RPL37: variants seen among roughly 807,000 people sequenced by gnomAD.
RPL37 encodes ribosomal protein L37.
Under a neutral mutation model 14.8 loss-of-function variants are expected in RPL37, and 1 was observed. The observed-to-expected ratio is 0.07, with a 90% confidence interval of 0.02 to 0.32. The LOEUF (loss-of-function observed/expected upper bound fraction) is 0.32, where lower values mean the gene tolerates loss of function less well. RPL37 is among the 10% of genes least tolerant of loss of function. The pLI is 1.00. For missense variants in RPL37, 100 were observed against 128.3 expected (o/e 0.78, Z 1.06); for synonymous variants, 53 against 45.8 (o/e 1.16, Z -0.63).
At chr5:40,833,321 C>G (rs411904) in intron 3 of RPL37, among the ~76,000 whole-genome samples, 3 of 152,076 alleles carry the variant, frequency 2.0e-5, no homozygotes, top group Non-Finnish European at 4.4e-5. Flanking sequence ...ATTATCCAGC[C>G]CAAAGTATCA....
Position 40,831,100 on chromosome 5 carries a change from T to C in RPL37, c.*1404A>G, listed in dbSNP as rs192219. ...CTACTAAGAATACAAAAAGAATTAG[T>C]CGAGTGAATCTCCATCTCTACAAAA... On this transcript the variant is annotated 3_prime_UTR_variant, in exon 4 of 4. Coordinates refer to ENST00000274242, the MANE Select transcript of RPL37 (RefSeq NM_000997.5). 110,579 of 151,784 alleles carry C rather than the reference T, an allele frequency of 0.73. 40,255 individuals carry two copies. The highest frequency in any genetic ancestry group is 0.82 in the East Asian group (4,148 of 5,076). 9.4% of individuals were successfully genotyped at this position (151,784 alleles called of 1,614,324 possible).
chr5:40,825,478 C>A lies in RPL37; in HGVS notation c.*7026G>T, dbSNP rs530579166. 1 of 152,222 alleles carries A rather than the reference C, an allele frequency of 6.6e-6. No homozygotes were observed. The highest frequency in any genetic ancestry group is 1.5e-5 in the Non-Finnish European group (1 of 68,052). 9.4% of individuals were successfully genotyped at this position (152,222 alleles called of 1,614,324 possible). A position where few individuals can be genotyped will look rare whatever the true frequency, so the allele number is the denominator to read the frequency against. The stretch of plus-strand genomic sequence containing the variant: ...TTCCCAGAGGTTTCTCTCTCTAGAG[C>A]AATCCCTAATAGGACAATTGTTCAC... On this transcript the variant is annotated 3_prime_UTR_variant, in exon 4 of 4. Coordinates refer to ENST00000274242, the MANE Select transcript of RPL37 (RefSeq NM_000997.5).
At position 40,828,531 on chromosome 5, in the gene RPL37, AAAC is replaced by A. The variant is rs1178615345; in HGVS notation, c.*3970_*3972del. ...CCAAAAGTATCTAGTGTTGTCTTTT[AAAC>A]TAAACTCCCCATTCCTCACTGCCCA... On this transcript the variant is annotated 3_prime_UTR_variant, in exon 4 of 4. Coordinates refer to ENST00000274242, the MANE Select transcript of RPL37 (RefSeq NM_000997.5). 1 of 152,226 alleles carries A rather than the reference AAAC, an allele frequency of 6.6e-6. No homozygotes were observed. Among genetic ancestry groups the A allele is most frequent in the African/African-American group, 2.4e-5 (1 of 41,464 alleles). The allele number at this position is 152,226 out of a possible 1,614,324, so 9.4% of individuals were successfully genotyped here. A position where few individuals can be genotyped will look rare whatever the true frequency, so the allele number is the denominator to read the frequency against.
At chr5:40,834,129 G>C (rs71623863) in intron 3 of RPL37, 52 bp downstream of exon 3, 2 of 1,209,950 alleles carry the variant, frequency 1.7e-6, no homozygotes, top group Non-Finnish European at 2.5e-6. Flanking sequence ...GTAAACACGA[G>C]GGTTTCATTC....
chr5:40,834,953 G>A, intron 1 of RPL37: 1 of 643,626 alleles, frequency 1.6e-6, no homozygotes, highest in Non-Finnish European at 2.7e-6. Context: ...CCAAAGGTTG[G>A]ACCGAGGCAA....
rs1207556518 is a variant in RPL37 at position 40,828,675 on chromosome 5, C to G, written c.*3829G>C. On this transcript the variant is annotated 3_prime_UTR_variant, in exon 4 of 4. Transcript: ENST00000274242. The stretch of plus-strand genomic sequence containing the variant: ...AATCCAGAATTTTAAAATATATCTT[C>G]ATTCTCTTTGGCCTCAGCCACATGT... The G allele has an allele frequency of 2.0e-5, 3 of 152,168 alleles. No individual in the cohort carries two copies. Among genetic ancestry groups the G allele is most frequent in the African/African-American group, 7.2e-5 (3 of 41,446 alleles). 9.4% of individuals were successfully genotyped at this position (152,168 alleles called of 1,614,324 possible).
rs1490136623 is a variant in RPL37 at position 40,826,475 on chromosome 5, T to C, written c.*6029A>G. The C allele has an allele frequency of 6.6e-6, 1 of 152,174 alleles. No individual in the cohort carries two copies. Among genetic ancestry groups the C allele is most frequent in the African/African-American group, 2.4e-5 (1 of 41,432 alleles). 9.4% of individuals were successfully genotyped at this position (152,174 alleles called of 1,614,324 possible). On this transcript the variant is annotated 3_prime_UTR_variant, in exon 4 of 4. Transcript: ENST00000274242. ...CCAATGAAGAAATTTCTTTGGAGAA[T>C]TGTTAAGTGCTCAATTCAGCCTTCT...
At position 40,831,786 on chromosome 5, in the gene RPL37, T is replaced by C. The variant is rs1745645434; in HGVS notation, c.*718A>G. The C allele has an allele frequency of 6.6e-6, 1 of 152,318 alleles. No individual in the cohort carries two copies. Among genetic ancestry groups the C allele is most frequent in the Non-Finnish European group, 1.5e-5 (1 of 68,034 alleles). The allele number at this position is 152,318 out of a possible 1,614,324, so 9.4% of individuals were successfully genotyped here. A position where few individuals can be genotyped will look rare whatever the true frequency, so the allele number is the denominator to read the frequency against. Reference sequence around the variant, plus strand: ...TTACCAAGTTGAGGGCTAAAAAAATTCGACCAAGTAGTCCCACATCATTGC... The same window carrying C: ...TTACCAAGTTGAGGGCTAAAAAAATCCGACCAAGTAGTCCCACATCATTGC... On this transcript the variant is annotated 3_prime_UTR_variant, in exon 4 of 4. Transcript: ENST00000274242.
chr5:40,832,273 T>C lies in RPL37; in HGVS notation c.*231A>G, dbSNP rs1745656264. On this transcript the variant is annotated 3_prime_UTR_variant, in exon 4 of 4. Transcript: ENST00000274242. Reference sequence around the variant, plus strand: ...CAGTGCCCTCTGCTTCAAGGACTCCTGGAATTCTGCTTGTTTCTCATTGCC... The same window carrying C: ...CAGTGCCCTCTGCTTCAAGGACTCCCGGAATTCTGCTTGTTTCTCATTGCC... The C allele has an allele frequency of 1.9e-6, 1 of 525,874 alleles. No homozygotes were observed. The highest frequency in any genetic ancestry group is 3.1e-5 in the Admixed American group (1 of 32,386). 32.6% of individuals were successfully genotyped at this position (525,874 alleles called of 1,614,324 possible).
rs1561207966 is a variant in RPL37, at chr5:40,832,159, ACAT to A, written c.*342_*344del. The A allele has an allele frequency of 3.9e-6, 1 of 258,416 alleles. No individual in the cohort carries two copies. The highest frequency in any genetic ancestry group is 7.8e-6 in the Non-Finnish European group (1 of 127,646). 16.0% of individuals were successfully genotyped at this position (258,416 alleles called of 1,614,324 possible). On this transcript the variant is annotated 3_prime_UTR_variant, in exon 4 of 4. Transcript: ENST00000274242. ...GAACATGTTGCTAAAGGTAATTTAA[ACAT>A]CATACTCTTTCAAATTTACTCAAAC...
At chr5:40,833,700 C>G (rs1428478658) in intron 3 of RPL37, among the ~76,000 whole-genome samples, 1 of 150,378 alleles carries the variant, frequency 6.6e-6, no homozygotes, top group East Asian at 1.9e-4. Flanking sequence ...CTTTGGGACC[C>G]TAGTTCAAAC....
intron 3 of RPL37, 176 bp downstream of exon 3, chr5:40,833,992 CCGTGATCGTGCCA>C (rs1449056351): frequency 1.7e-6 from 1 of 580,418 alleles, no homozygotes; most frequent in Non-Finnish European, 3.1e-6. Context: ...CTGCACTGAG[CCGTGATCGTGCCA>C]CTACACTCAA....
In RPL37 at chr5:40,826,382, A is replaced by C. The variant is rs971628464; in HGVS notation, c.*6122T>G. On this transcript the variant is annotated 3_prime_UTR_variant, in exon 4 of 4. Coordinates refer to ENST00000274242, the MANE Select transcript of RPL37 (RefSeq NM_000997.5). ...TTATTTTTTATATCCCAGCCCTCCC[A>C]TGTAAGACTGGTCATTTTTTAGAAT... 4 of 152,128 alleles carry C rather than the reference A, an allele frequency of 2.6e-5. No homozygotes were observed. Among genetic ancestry groups the C allele is most frequent in the African/African-American group, 9.7e-5 (4 of 41,428 alleles). 9.4% of individuals were successfully genotyped at this position (152,128 alleles called of 1,614,324 possible).
Position 40,835,174 on chromosome 5 carries a change from A to G in RPL37, c.3+9T>C, listed in dbSNP as rs748185143. 1.6e-5 allele frequency: 26 copies of G among 1,614,162 alleles called. No homozygotes were observed. The highest frequency in any genetic ancestry group is 2.2e-5 in the Non-Finnish European group (26 of 1,180,028). The stretch of plus-strand genomic sequence containing the variant: ...AACGCGATTCACAAACACCACAGTC[A>G]CAACTCACCATCTCGCTTCTGCGGC... On this transcript the variant is annotated intron_variant, in intron 1 of 3. Transcript: ENST00000274242.
intron 2 of RPL37, 50 bp downstream of exon 2, chr5:40,834,421 G>A (rs1386947645): frequency 6.2e-7 from 1 of 1,601,394 alleles, no homozygotes; most frequent in Non-Finnish European, 8.5e-7. Flanking sequence ...CCCCACTTAA[G>A]TGCAATACAA....
rs1745519212 is a variant in RPL37 at position 40,826,416 on chromosome 5, A to AT, written c.*6087dup. 1 of 152,182 alleles carries AT rather than the reference A, an allele frequency of 6.6e-6. No homozygotes were observed. The highest frequency in any genetic ancestry group is 2.4e-5 in the African/African-American group (1 of 41,438). 9.4% of individuals were successfully genotyped at this position (152,182 alleles called of 1,614,324 possible). ...TGGTCATTTTTTAGAATCCTCAGCC[A>AT]TATCAAGGATACAGAAGGGGTCTAG... On this transcript the variant is annotated 3_prime_UTR_variant, in exon 4 of 4. Coordinates refer to ENST00000274242, the MANE Select transcript of RPL37 (RefSeq NM_000997.5).
At position 40,834,290 on chromosome 5, in the gene RPL37, T is replaced by A. The variant is rs375895537; in HGVS notation, c.140-25A>T. 6 of 1,607,454 alleles carry A rather than the reference T, an allele frequency of 3.7e-6. No homozygotes were observed. In the Admixed American group the frequency reaches 5.0e-5, roughly 13 times the overall value. ...TCTAAAACATAAGTTCAGAAAAGAT[T>A]TCAAACGGTGTTCTCCCACACACCT... On this transcript the variant is annotated intron_variant, in intron 2 of 3. Coordinates refer to ENST00000274242, the MANE Select transcript of RPL37 (RefSeq NM_000997.5).
At chr5:40,832,615 T>C (rs1745667000) in intron 3 of RPL37, 42 bp from the exon 4 acceptor site, 1 of 1,456,062 alleles carries the variant, frequency 6.9e-7, no homozygotes, top group Non-Finnish European at 9.7e-7. Context: ...TTCAGCAACA[T>C]CGATGCATAC....
At position 40,834,624 on chromosome 5, in the gene RPL37, A is replaced by G. The variant is rs201993481; in HGVS notation, c.4-18T>C. On this transcript the variant is annotated intron_variant, in intron 1 of 3. Coordinates refer to ENST00000274242, the MANE Select transcript of RPL37 (RefSeq NM_000997.5). ...CCCTTCGTCTGCACATTAAAGGAAT[A>G]AATAGTTCTGAAACCTGGCAACTTC... The G allele has an allele frequency of 6.3e-7, 1 of 1,590,616 alleles. No homozygotes were observed. Among genetic ancestry groups the G allele is most frequent in the Middle Eastern group, 1.7e-4 (1 of 5,936 alleles).
Sources: gnomAD v4.1 joint callset for allele counts (sites outside exome capture counted in the v4.1 genomes callset) on GRCh38, gnomAD v4.1.1 for gene constraint, MANE v1.5 for transcripts, NCBI Gene and HGNC (gene_info 2026-07-23, HGNC 2026-07-21) for gene names.